The following DYTN variants were observed in gnomAD, a reference collection of about 807,000 sequenced individuals.
DYTN encodes the protein dystrotelin.
Under a neutral mutation model 69.6 loss-of-function variants are expected in DYTN, and 75 were observed. That is an observed-to-expected ratio of 1.08 (90% CI 0.89 to 1.31). DYTN has a LOEUF of 1.31. DYTN is among the 50% of genes most tolerant of loss of function. DYTN has a pLI of 0.00. For missense variants in DYTN, 726 were observed against 688.4 expected, an observed-to-expected ratio of 1.05 and a Z score of -0.61; for synonymous variants, 252 against 249.1, an observed-to-expected ratio of 1.01 and a Z score of -0.11.
chr2:206,711,938 C>G lies in DYTN; in HGVS notation c.20-1340G>C, dbSNP rs1326271177. 2.0e-5 allele frequency among the ~76,000 whole-genome samples: 3 copies of G among 152,228 alleles called. No individual in the cohort carries two copies. In the East Asian group the frequency reaches 5.8e-4, roughly 29 times the overall value. ...TTCTGTTGCTGAAGACTGAAATGAT[C>G]AGTCTTCATATCTAGAAAAAATAAC... On this transcript the variant is annotated intron_variant, in intron 1 of 11. Coordinates refer to ENST00000452335, the MANE Select transcript of DYTN (RefSeq NM_001093730.1).
At chr2:206,662,877 A>T (rs755515753) in intron 11 of DYTN, 26 bp downstream of exon 11, 71 of 1,581,940 alleles carry the variant, frequency 4.5e-5, no homozygotes, top group East Asian at 6.7e-5. Context: ...GGCCATCACG[A>T]TGTCTATGGA....
chr2:206,699,682 C>T (rs576035488), intron 7 of DYTN, 45 bp downstream of exon 7: 9 of 1,585,620 alleles, frequency 5.7e-6, no homozygotes, highest in African/African-American at 1.3e-5. Flanking sequence ...AACTGTAGAA[C>T]CATATGGAGA....
intron 9 of DYTN, among the ~76,000 whole-genome samples, chr2:206,691,834 A>G (rs931586724): frequency 1.3e-5 from 2 of 152,208 alleles, no homozygotes; most frequent in African/African-American, 4.8e-5. Flanking sequence ...GGGGTCTGGG[A>G]TTGAGATGGA....
intron 5 of DYTN, among the ~76,000 whole-genome samples, chr2:206,700,815 T>C (rs753021992): frequency 6.6e-6 from 1 of 152,134 alleles, no homozygotes; most frequent in Non-Finnish European, 1.5e-5. Context: ...CCTGCGTCCA[T>C]GTGTTCTCAT....
chr2:206,658,661 T>C (rs1214052038), intron 11 of DYTN, among the ~76,000 whole-genome samples: 1 of 152,214 alleles, frequency 6.6e-6, no homozygotes, highest in African/African-American at 2.4e-5. Flanking sequence ...GTTGGATGAA[T>C]GGTCCAATTG....
chr2:206,700,702 C>A (rs1235648447), intron 5 of DYTN, among the ~76,000 whole-genome samples: 1 of 151,876 alleles, frequency 6.6e-6, no homozygotes, highest in Non-Finnish European at 1.5e-5. Flanking sequence ...TTACCAACCT[C>A]TCATCTAGGT....
intron 11 of DYTN, among the ~76,000 whole-genome samples, chr2:206,661,305 A>T (rs1699508866): frequency 6.6e-6 from 1 of 152,234 alleles, no homozygotes; most frequent in African/African-American, 2.4e-5. Context: ...GCCAACTCAG[A>T]AATATTTTGA....
chr2:206,714,716 C>G (rs1700111293), intron 1 of DYTN, among the ~76,000 whole-genome samples: 1 of 152,062 alleles, frequency 6.6e-6, no homozygotes. Context: ...ATGGTGTAGC[C>G]AGGGAGACCA....
At chr2:206,668,977 C>T (rs1699603674) in intron 9 of DYTN, among the ~76,000 whole-genome samples, 2 of 152,208 alleles carry the variant, frequency 1.3e-5, no homozygotes, top group Non-Finnish European at 2.9e-5. Context: ...TTCCTGAGGC[C>T]TCCCCAGCAG....
intron 9 of DYTN, chr2:206,679,194 T>A (rs1699724021): frequency 6.6e-6 from 1 of 152,186 alleles, no homozygotes; most frequent in South Asian, 2.1e-4. Context: ...TATAAGAAAG[T>A]TGTAGCAACT....
chr2:206,657,192 T>C (rs1699460081), intron 11 of DYTN, among the ~76,000 whole-genome samples: 1 of 152,172 alleles, frequency 6.6e-6, no homozygotes, highest in Admixed American at 6.5e-5. Flanking sequence ...TAGCTCACTG[T>C]AACCTCAAAC....
At chr2:206,675,145 GTATATA>G (rs374365439) in intron 9 of DYTN, among the ~76,000 whole-genome samples, 1 of 120,442 alleles carries the variant, frequency 8.3e-6, no homozygotes, top group African/African-American at 3.4e-5. Flanking sequence ...GTGTGTGTGT[GTATATA>G]TGTGTATATA....
intron 5 of DYTN, among the ~76,000 whole-genome samples, chr2:206,703,253 C>A (rs1226123303): frequency 6.6e-6 from 1 of 152,120 alleles, no homozygotes; most frequent in African/African-American, 2.4e-5. Flanking sequence ...TCAGCTCATC[C>A]CCTTTCATCA....
intron 9 of DYTN, among the ~76,000 whole-genome samples, chr2:206,688,929 A>G (rs1699838118): frequency 6.6e-6 from 1 of 152,138 alleles, no homozygotes; most frequent in Admixed American, 6.5e-5. Context: ...AGAGTGAAGA[A>G]TTTTGTATAT....
At chr2:206,668,816 T>C (rs1278752425) in intron 9 of DYTN, among the ~76,000 whole-genome samples, 1 of 151,574 alleles carries the variant, frequency 6.6e-6, no homozygotes. Context: ...AGGGCAGTTT[T>C]CCCCATGCTG....
chr2:206,687,976 C>G (rs907376474), intron 9 of DYTN, among the ~76,000 whole-genome samples: 1 of 152,092 alleles, frequency 6.6e-6, no homozygotes, highest in Non-Finnish European at 1.5e-5. Context: ...TATTCTTGTA[C>G]AACTATTCTT....
At chr2:206,704,744 A>C in intron 5 of DYTN, 99 bp downstream of exon 5, 1 of 1,026,068 alleles carries the variant, frequency 9.7e-7, no homozygotes, top group South Asian at 1.5e-5. Flanking sequence ...GGAGTTATAT[A>C]TAAAGATAGA....
intron 9 of DYTN, among the ~76,000 whole-genome samples, chr2:206,683,308 C>T (rs941686534): frequency 2.0e-5 from 3 of 151,520 alleles, no homozygotes; most frequent in African/African-American, 7.3e-5. Context: ...TCCATCTGCC[C>T]CCACTTCCTC....
At chr2:206,660,709 T>C (rs1699502856) in intron 11 of DYTN, among the ~76,000 whole-genome samples, 1 of 152,240 alleles carries the variant, frequency 6.6e-6, no homozygotes, top group Non-Finnish European at 1.5e-5. Context: ...TCCCTTGCCT[T>C]TTGAGCATAC....
Sources: allele counts gnomAD v4.1 joint callset (sites outside exome capture counted in the v4.1 genomes callset), GRCh38; gene constraint gnomAD v4.1.1; transcripts MANE v1.5; gene names NCBI Gene and HGNC (gene_info 2026-07-23, HGNC 2026-07-21).